ZNF678: variants seen among roughly 807,000 people sequenced by gnomAD.
The protein encoded by ZNF678 is zinc finger protein 678.
ZNF678 carries 5 observed loss-of-function variants against 3.0 expected under a neutral mutation model. The ratio of observed to expected loss-of-function variants is 1.69; its 90% CI spans 0.88 to 3.56. The LOEUF is 3.56. Among genes scored for constraint, ZNF678 ranks in the 30% most tolerant of loss-of-function variants. The probability of loss-of-function intolerance (pLI) is 0.00; values close to 1 mark genes in which losing one functional copy is unlikely to be tolerated. For missense variants in ZNF678, 593 were observed against 605.0 expected, an observed-to-expected ratio of 0.98 and a Z score of 0.21; for synonymous variants, 218 against 199.6, an observed-to-expected ratio of 1.09 and a Z score of -0.78.
Position 227,659,635 on chromosome 1 carries a change from A to G in ZNF678, c.*3807A>G, listed in dbSNP as rs1000926936. 3 of 142,866 alleles carry G rather than the reference A, an allele frequency of 2.1e-5. No homozygotes were observed. The highest frequency in any genetic ancestry group is 3.1e-5 in the Non-Finnish European group (2 of 65,188). The allele number at this position is 142,866 out of a possible 1,614,324, so 8.8% of individuals were successfully genotyped here. On this transcript the variant is annotated 3_prime_UTR_variant, in exon 4 of 4. Coordinates refer to ENST00000343776, the MANE Select transcript of ZNF678 (RefSeq NM_001367909.1). The stretch of plus-strand genomic sequence containing the variant: ...TGATAAGTAGACATTTTTAAAAATC[A>G]TAAAAACTGTATTTTCTATATAGTT...
At chr1:227,627,301 T>TGAGGG (rs994841137) in intron 1 of ZNF678, among the ~76,000 whole-genome samples, 18 of 152,142 alleles carry the variant, frequency 1.2e-4, no homozygotes, top group African/African-American at 4.3e-4. Flanking sequence ...CTAGCCATCC[T>TGAGGG]GAGGGGAGGA....
rs547020792 is a variant in ZNF678, at chr1:227,672,454, CAG to C, written c.227-4722_227-4721del. Among the ~76,000 whole-genome samples the C allele has an allele frequency of 1.3e-4, 20 of 152,182 alleles. 1 individual carries two copies. In the South Asian group the frequency reaches 3.1e-3, roughly 24 times the overall value. On this transcript the variant is annotated intron_variant, in intron 5 of 5. Coordinates refer to the ZNF678 transcript ENST00000608949. Reference sequence around the variant, plus strand: ...TATAAACAGTATAGAGAAAAGAAAACAGAGGGGCAGAGGGAATAAATTTAGGG... The same window carrying C: ...TATAAACAGTATAGAGAAAAGAAAACAGGGGCAGAGGGAATAAATTTAGGG...
chr1:227,617,848 A>T (rs997825394), intron 1 of ZNF678, among the ~76,000 whole-genome samples: 1 of 152,102 alleles, frequency 6.6e-6, no homozygotes, highest in Non-Finnish European at 1.5e-5. Flanking sequence ...CCAGCAGGGG[A>T]CGGTTTAAAT....
intron 1 of ZNF678, among the ~76,000 whole-genome samples, chr1:227,590,808 T>G (rs1415087059): frequency 6.6e-6 from 1 of 151,754 alleles, no homozygotes; most frequent in Non-Finnish European, 1.5e-5. Context: ...GGTCTGCAGC[T>G]TTGGAAATTT....
At chr1:227,578,009 G>A (rs116333271) in intron 1 of ZNF678, among the ~76,000 whole-genome samples, 1,608 of 152,224 alleles carry the variant, frequency 0.011, 33 homozygotes, top group African/African-American at 0.036. Flanking sequence ...TAATTTGGCC[G>A]AATATGAAAT....
chr1:227,675,563 A>G (rs1218316073), intron 5 of ZNF678, among the ~76,000 whole-genome samples: 1 of 152,250 alleles, frequency 6.6e-6, no homozygotes, highest in African/African-American at 2.4e-5. Context: ...AGGGAAAAGT[A>G]CATCATGTTT....
chr1:227,591,884 A>G (rs961569046), intron 1 of ZNF678, among the ~76,000 whole-genome samples: 3 of 152,182 alleles, frequency 2.0e-5, no homozygotes, highest in African/African-American at 7.2e-5. Flanking sequence ...CTTACTGTAC[A>G]AGTCCAAATT....
Position 227,563,675 on chromosome 1 carries a change from C to G in ZNF678, c.-213C>G, listed in dbSNP as rs1190863522. The G allele has an allele frequency of 7.5e-7, 1 of 1,330,218 alleles. No homozygotes were observed. The highest frequency in any genetic ancestry group is 1.2e-5 in the South Asian group (1 of 83,330). The allele number at this position is 1,330,218 out of a possible 1,614,324, so 82.4% of individuals were successfully genotyped here. On this transcript the variant is annotated 5_prime_UTR_variant, in exon 1 of 4. Transcript: ENST00000343776. ...CTGGTTTCCCTGTGACCTGCAGGTA[C>G]TGGGAGTTACATAGCTAAGATGCCA...
chr1:227,568,300 T>A (rs1169766334), intron 1 of ZNF678, among the ~76,000 whole-genome samples: 1 of 130,834 alleles, frequency 7.6e-6, no homozygotes, highest in Non-Finnish European at 1.7e-5. Flanking sequence ...AAGTGGTGGT[T>A]GGTGAACAAG....
In ZNF678 at chr1:227,654,658, A is replaced by G. The variant is rs776420479; in HGVS notation, c.408A>G (p.Arg136=). 1.8e-5 allele frequency: 29 copies of G among 1,612,424 alleles called. No homozygotes were observed. Among genetic ancestry groups the G allele is most frequent in the African/African-American group, 2.7e-5 (2 of 74,816 alleles). ...KCEECGKVFN[R]CSNLTKHKRI... ...AAGAATGTGGCAAAGTTTTCAATCG[A>G]TGTTCAAACCTAACAAAACATAAAA... Residue 136 remains arginine (R), a synonymous_variant, in exon 4 of 4, where the codon CGA becomes CGG. Coordinates refer to ENST00000343776, the MANE Select transcript of ZNF678 (RefSeq NM_001367909.1).
rs578200147 is a variant in ZNF678, at chr1:227,594,566, C to T, written c.-164+30842C>T. 7.2e-5 allele frequency among the ~76,000 whole-genome samples: 11 copies of T among 152,290 alleles called. No individual in the cohort carries two copies. The South Asian group carries it at 2.3e-3, about 32-fold the overall frequency. Reference sequence around the variant, plus strand: ...TTAAAACTTGATTAAACCTTTAAAACAAAGTATACATATTTTTAACCTTTT... The same window carrying T: ...TTAAAACTTGATTAAACCTTTAAAATAAAGTATACATATTTTTAACCTTTT... On this transcript the variant is annotated intron_variant, in intron 1 of 3. Transcript: ENST00000343776.
rs114163585 is a variant in ZNF678, at chr1:227,590,398, C to A, written c.-164+26674C>A. ...AACATTTCTCATCTGAGTTTCTTGCCGGGCCAGAACAGTCAAGGTTTTACC... is the reference window on the plus strand; with the variant it reads ...AACATTTCTCATCTGAGTTTCTTGCAGGGCCAGAACAGTCAAGGTTTTACC... On this transcript the variant is annotated intron_variant, in intron 1 of 3. Coordinates refer to ENST00000343776, the MANE Select transcript of ZNF678 (RefSeq NM_001367909.1). Among the ~76,000 whole-genome samples the A allele has an allele frequency of 4.5e-4, 69 of 151,748 alleles. 1 individual carries two copies. Among genetic ancestry groups the A allele is most frequent in the African/African-American group, 1.5e-3 (61 of 41,252 alleles).
In ZNF678 at chr1:227,590,263, A is replaced by G. The variant is rs180912665; in HGVS notation, c.-164+26539A>G. On this transcript the variant is annotated intron_variant, in intron 1 of 3. Coordinates refer to ENST00000343776, the MANE Select transcript of ZNF678 (RefSeq NM_001367909.1). Reference sequence around the variant, plus strand: ...CATGTCTTTAACTGTATCTTCGACTACTTGCCCCTGATCATCTATGTGCAG... The same window carrying G: ...CATGTCTTTAACTGTATCTTCGACTGCTTGCCCCTGATCATCTATGTGCAG... Among the ~76,000 whole-genome samples the G allele has an allele frequency of 5.9e-5, 9 of 151,878 alleles. No individual in the cohort carries two copies. In the East Asian group the frequency reaches 1.7e-3, roughly 29 times the overall value.
At chr1:227,592,648 T>C (rs566492079) in intron 1 of ZNF678, among the ~76,000 whole-genome samples, 6 of 152,382 alleles carry the variant, frequency 3.9e-5, no homozygotes, top group Middle Eastern at 3.4e-3. Context: ...AAATATTGAC[T>C]TAAATCCTGT....
intron 1 of ZNF678, among the ~76,000 whole-genome samples, chr1:227,602,554 AG>A (rs988236619): frequency 3.9e-5 from 6 of 152,342 alleles, no homozygotes; most frequent in African/African-American, 1.4e-4. Context: ...AATTATTTTT[AG>A]TACTTGAAAA....
At position 227,655,178 on chromosome 1, in the gene ZNF678, C is replaced by T. The variant is rs764554915; in HGVS notation, c.928C>T (p.Arg310Cys). The T allele has an allele frequency of 8.7e-6, 14 of 1,609,802 alleles. No homozygotes were observed. The highest frequency in any genetic ancestry group is 3.4e-5 in the Admixed American group (2 of 59,308). ...CTTTACACAGTTTGCAAGCCTTACT[C>T]GTCATAAAAGAATTCATACTGGAGA... ...KAFTQFASLTRHKRIHTGEKP... is the reference protein window; with the variant it reads ...KAFTQFASLTCHKRIHTGEKP... Residue 310 changes from arginine to cysteine, a missense_variant, in exon 4 of 4, where the codon CGT (arginine) becomes TGT (cysteine). Physicochemically the swap from Arg to Cys is radical, Grantham distance 180 (BLOSUM62 -3). Transcript: ENST00000343776.
In ZNF678 at chr1:227,658,624, A is replaced by G. The variant is rs1659318616; in HGVS notation, c.*2796A>G. 1 of 152,080 alleles carries G rather than the reference A, an allele frequency of 6.6e-6. No homozygotes were observed. Among genetic ancestry groups the G allele is most frequent in the Non-Finnish European group, 1.5e-5 (1 of 67,958 alleles). 9.4% of individuals were successfully genotyped at this position (152,080 alleles called of 1,614,324 possible). A position where few individuals can be genotyped will look rare whatever the true frequency, so the allele number is the denominator to read the frequency against. On this transcript the variant is annotated 3_prime_UTR_variant, in exon 4 of 4. Transcript: ENST00000343776. Reference sequence around the variant, plus strand: ...GATTTCTCACTGTTCTCTGCAGCCCATGTAATTTCATACAGTATTTTGTAG... The same window carrying G: ...GATTTCTCACTGTTCTCTGCAGCCCGTGTAATTTCATACAGTATTTTGTAG...
chr1:227,610,994 G>C (rs1177633097), intron 1 of ZNF678, among the ~76,000 whole-genome samples: 1 of 152,148 alleles, frequency 6.6e-6, no homozygotes, highest in Non-Finnish European at 1.5e-5. Flanking sequence ...TCACCATCTT[G>C]GAAGAAGTTC....
intron 1 of ZNF678, among the ~76,000 whole-genome samples, chr1:227,564,458 A>G (rs984175796): frequency 6.6e-6 from 1 of 152,256 alleles, no homozygotes; most frequent in African/African-American, 2.4e-5. Flanking sequence ...TTAACACTGC[A>G]CAAGAGACTG....
Sources: allele counts gnomAD v4.1 joint callset (sites outside exome capture counted in the v4.1 genomes callset), GRCh38; gene constraint gnomAD v4.1.1; transcripts MANE v1.5; gene names NCBI Gene and HGNC (gene_info 2026-07-23, HGNC 2026-07-21).